PRRC2B: variants seen among roughly 807,000 people sequenced by gnomAD.
PRRC2B encodes proline rich coiled-coil 2B.
PRRC2B carries 68 observed loss-of-function variants against 242.3 expected under a neutral mutation model. The ratio of observed to expected loss-of-function variants is 0.28; its 90% CI spans 0.23 to 0.34. PRRC2B has a LOEUF of 0.34. PRRC2B is among the 10% of genes least tolerant of loss of function. The probability of loss-of-function intolerance (pLI) is 1.00; values close to 1 mark genes in which losing one functional copy is unlikely to be tolerated. For synonymous variants in PRRC2B, 1,228 were observed against 1,173.6 expected (o/e 1.05, Z -0.95); for missense variants, 2,835 against 2,954.8 (o/e 0.96, Z 0.94).
intron 12 of PRRC2B, among the ~76,000 whole-genome samples, chr9:131,466,799 C>T (rs1176218652): frequency 6.7e-6 from 1 of 150,328 alleles, no homozygotes; most frequent in Non-Finnish European, 1.5e-5. Context: ...TTTGTACTTT[C>T]TTTTTTTCTT....
intron 19 of PRRC2B, among the ~76,000 whole-genome samples, chr9:131,479,905 G>A (rs745307975): frequency 6.6e-6 from 1 of 151,936 alleles, no homozygotes; most frequent in African/African-American, 2.4e-5. Context: ...TAGAACATTT[G>A]TTGCCCTGAA....
Position 131,474,594 on chromosome 9 carries a change from C to G in PRRC2B, c.2465C>G (p.Ser822Cys), listed in dbSNP as rs1257520460. 3 of 1,613,910 alleles carry G rather than the reference C, an allele frequency of 1.9e-6. No individual in the cohort carries two copies. In the Admixed American group the frequency reaches 5.0e-5, roughly 27 times the overall value. Residue 822 changes from serine to cysteine, a missense_variant, in exon 16 of 32, where the codon TCT (serine) becomes TGT (cysteine). By Grantham distance (112) the Ser-to-Cys change is moderately radical. Around this residue, in one of 7 missense-constraint regions of PRRC2B, gnomAD observed 1,536 missense variants for 1,483.1 expected, o/e 1.04. Coordinates refer to ENST00000683519, the MANE Select transcript of PRRC2B (RefSeq NM_013318.4). ...GCAGACTTTGACAGCTGTATCTCTTCTCAAAGAATAGGCCAGGAGCTTTTG... is the reference window on the plus strand; with the variant it reads ...GCAGACTTTGACAGCTGTATCTCTTGTCAAAGAATAGGCCAGGAGCTTTTG... ...AQADFDSCIS[S>C]QRIGQELLFP...
chr9:131,474,882 G>C lies in PRRC2B; in HGVS notation c.2753G>C (p.Trp918Ser). 6.3e-7 allele frequency: 1 copy of C among 1,598,542 alleles called. No individual in the cohort carries two copies. Among genetic ancestry groups the C allele is most frequent in the Non-Finnish European group, 8.5e-7 (1 of 1,173,418 alleles). The change falls in exon 16 of 32, where the codon TGG becomes TCG. Residue 918 changes from tryptophan (W) to serine (S), a missense_variant. Coordinates refer to ENST00000683519, the MANE Select transcript of PRRC2B (RefSeq NM_013318.4). Reference sequence around the variant, plus strand: ...AAACAGCCATCCTCGGAGCCTGAATGGACTCCCGAGCCCCGGAGCTCCAGC... The same window carrying C: ...AAACAGCCATCCTCGGAGCCTGAATCGACTCCCGAGCCCCGGAGCTCCAGC... ...PNKQPSSEPE[W>S]TPEPRSSSSQ...
chr9:131,413,097 C>T (rs1588240640), intron 1 of PRRC2B, among the ~76,000 whole-genome samples: 2 of 152,286 alleles, frequency 1.3e-5, no homozygotes, highest in South Asian at 4.1e-4. Context: ...ACTTTATATT[C>T]TTAGCTCCTA....
At chr9:131,381,197 C>A (rs575326031) in intron 1 of PRRC2B, among the ~76,000 whole-genome samples, 4 of 152,122 alleles carry the variant, frequency 2.6e-5, no homozygotes, top group Non-Finnish European at 5.9e-5. Flanking sequence ...GGAATATTCT[C>A]AAGCGGTTGA....
chr9:131,377,308 T>C (rs1433819872), intron 1 of PRRC2B, among the ~76,000 whole-genome samples: 1 of 152,060 alleles, frequency 6.6e-6, no homozygotes, highest in African/African-American at 2.4e-5. Context: ...ACAGACGGGG[T>C]TTCACCATGT....
chr9:131,472,140 A>G (rs1943563996), intron 14 of PRRC2B, among the ~76,000 whole-genome samples: 1 of 152,138 alleles, frequency 6.6e-6, no homozygotes, highest in Non-Finnish European at 1.5e-5. Context: ...TTCTGTTGAT[A>G]AGTATTTGAA....
intron 9 of PRRC2B, among the ~76,000 whole-genome samples, chr9:131,454,685 G>T (rs1943019041): frequency 6.6e-6 from 1 of 151,882 alleles, no homozygotes; most frequent in Non-Finnish European, 1.5e-5. Flanking sequence ...GCCCAGGCTG[G>T]AGTGCAGTGG....
intron 1 of PRRC2B, among the ~76,000 whole-genome samples, chr9:131,410,230 C>T (rs1837471213): frequency 6.6e-6 from 1 of 152,242 alleles, no homozygotes; most frequent in African/African-American, 2.4e-5. Context: ...CCCAAGCCTG[C>T]CTGCCTGTGA....
intron 12 of PRRC2B, among the ~76,000 whole-genome samples, chr9:131,466,081 G>A (rs367731434): frequency 8.5e-5 from 13 of 152,350 alleles, no homozygotes; most frequent in African/African-American, 3.1e-4. Flanking sequence ...AGTGTCTCTT[G>A]TAGCAGTTTT....
chr9:131,389,321 C>T (rs1017162919), upstream of PRRC2B, among the ~76,000 whole-genome samples: 3 of 145,856 alleles, frequency 2.1e-5, no homozygotes, highest in Admixed American at 2.2e-4. Flanking sequence ...ATGCCTGGCT[C>T]AGTTTTTGTA....
chr9:131,433,690 G>A (rs1355672395), intron 3 of PRRC2B, among the ~76,000 whole-genome samples: 1 of 152,298 alleles, frequency 6.6e-6, no homozygotes, highest in African/African-American at 2.4e-5. Context: ...ATCTCTGGTG[G>A]CCTCCCTGCT....
In PRRC2B at chr9:131,479,318, T is replaced by C; in HGVS notation, c.4825T>C (p.Leu1609=). ...TCGATTTGCAAAAAAGCAGAACAAC[T>C]TATGTCTGGAGCAAGGTGACGTGAC... The part of the protein sequence containing the change: ...PPRFAKKQNN[L]CLEQGDVTVP... The change falls in exon 19 of 32, where the codon TTA becomes CTA. Residue 1609 remains leucine (L), a synonymous_variant. Transcript: ENST00000683519. 1 of 1,613,924 alleles carries C rather than the reference T, an allele frequency of 6.2e-7. No individual in the cohort carries two copies. The highest frequency in any genetic ancestry group is 8.5e-7 in the Non-Finnish European group (1 of 1,179,836).
chr9:131,464,861 G>A lies in PRRC2B; in HGVS notation c.1503G>A (p.Glu501=), dbSNP rs1265556406. The A allele has an allele frequency of 6.2e-7, 1 of 1,613,916 alleles. No homozygotes were observed. The highest frequency in any genetic ancestry group is 1.7e-5 in the Admixed American group (1 of 60,016). Residue 501 remains glutamate, a synonymous_variant, in exon 12 of 32, where the codon GAG becomes GAA. Coordinates refer to ENST00000683519, the MANE Select transcript of PRRC2B (RefSeq NM_013318.4). ...AGTTCATTCAGTCAGAGATGTCCGAGGCGGTGGAGCGAGCCCGAAAGCGCC... is the reference window on the plus strand; with the variant it reads ...AGTTCATTCAGTCAGAGATGTCCGAAGCGGTGGAGCGAGCCCGAAAGCGCC... ...RQKFIQSEMS[E]AVERARKRRE...
chr9:131,413,267 T>A (rs1047447325), intron 1 of PRRC2B, among the ~76,000 whole-genome samples: 5 of 152,152 alleles, frequency 3.3e-5, no homozygotes, highest in South Asian at 4.1e-4. Context: ...TCGCCTCTTT[T>A]AAAAAGTTCT....
intron 28 of PRRC2B, among the ~76,000 whole-genome samples, chr9:131,488,332 C>T (rs991424072): frequency 1.6e-4 from 24 of 150,654 alleles, no homozygotes; most frequent in Non-Finnish European, 2.5e-4. Context: ...GGCATGATCT[C>T]GGCTCACTAC....
rs1445828598 is a variant in PRRC2B, at chr9:131,498,544, C to T, written c.*2670C>T. ...TGTTTTAAGGTGCAATATATCTCTT[C>T]CTTTCCCGTGGTTTTAGAGCCAAGC... On this transcript the variant is annotated 3_prime_UTR_variant, in exon 32 of 32. Coordinates refer to ENST00000683519, the MANE Select transcript of PRRC2B (RefSeq NM_013318.4). The T allele has an allele frequency of 6.6e-6, 1 of 152,264 alleles. No homozygotes were observed. Among genetic ancestry groups the T allele is most frequent in the Non-Finnish European group, 1.5e-5 (1 of 68,048 alleles). The allele number at this position is 152,264 out of a possible 1,614,324, so 9.4% of individuals were successfully genotyped here.
intron 17 of PRRC2B, 86 bp downstream of exon 17, chr9:131,478,035 C>A: frequency 8.3e-7 from 1 of 1,206,138 alleles, no homozygotes; most frequent in Non-Finnish European, 1.2e-6. Context: ...TTTGCCCTTG[C>A]ACTGAGTACC....
At chr9:131,438,580 G>A (rs1263710278) in intron 4 of PRRC2B, among the ~76,000 whole-genome samples, 2 of 152,150 alleles carry the variant, frequency 1.3e-5, no homozygotes, top group Non-Finnish European at 2.9e-5. Flanking sequence ...TAGCAGCTGC[G>A]CAGTTTTAAA....
Sources: allele counts gnomAD v4.1 joint callset (sites outside exome capture counted in the v4.1 genomes callset), GRCh38; gene constraint gnomAD v4.1.1; regional missense constraint gnomAD v4.1.1; transcripts MANE v1.5; gene names NCBI Gene and HGNC (gene_info 2026-07-23, HGNC 2026-07-21).